Variants in PLCB2 observed in about 807,000 individuals in gnomAD.
The protein encoded by PLCB2 is phospholipase C beta 2.
PLCB2 carries 115 observed loss-of-function variants against 141.7 expected under a neutral mutation model. That is an observed-to-expected ratio of 0.81 (90% CI 0.70 to 0.95). The LOEUF is 0.95. Among genes scored for constraint, PLCB2 ranks in the 40% least tolerant of loss-of-function variants. The pLI, the probability that PLCB2 is intolerant of heterozygous loss-of-function variation, is 0.00. For synonymous variants in PLCB2, 603 were observed against 595.6 expected (o/e 1.01, Z -0.18); for missense variants, 1,403 against 1,541.1 (o/e 0.91, Z 1.50).
At position 40,293,736 on chromosome 15, in the gene PLCB2, G is replaced by A. The variant is rs1386821418; in HGVS notation, c.2062-12C>T. 3 of 1,600,708 alleles carry A rather than the reference G, an allele frequency of 1.9e-6. No homozygotes were observed. The highest frequency in any genetic ancestry group is 2.6e-6 in the Non-Finnish European group (3 of 1,169,578). ...TGCCCAGAGATCACCTGGGGGTAGGGGCCCAGGAAAACCAGCATCAAATCC... is the reference window on the plus strand; with the variant it reads ...TGCCCAGAGATCACCTGGGGGTAGGAGCCCAGGAAAACCAGCATCAAATCC... On this transcript the variant is annotated splice_polypyrimidine_tract_variant and intron_variant, in intron 19 of 31. Coordinates refer to ENST00000260402, the MANE Select transcript of PLCB2 (RefSeq NM_004573.3).
At position 40,288,874 on chromosome 15, in the gene PLCB2, ACCCTTCATCCTGG is replaced by A. The variant is rs1566867587; in HGVS notation, c.3386_3398del (p.Ala1129ValfsTer6). On this transcript the variant is annotated frameshift_variant, in exon 32 of 32. Coordinates refer to ENST00000260402, the MANE Select transcript of PLCB2 (RefSeq NM_004573.3). LOFTEE classifies it low-confidence loss of function (END_TRUNC). ...CCGACTCCTTCACCTCTGCCTCCAGACCCTTCATCCTGGCCTCGTACTCTGCCAGCGCCTCCTT... is the reference window on the plus strand; with the variant it reads ...CCGACTCCTTCACCTCTGCCTCCAGACCTCGTACTCTGCCAGCGCCTCCTT... The A allele has an allele frequency of 6.2e-7, 1 of 1,613,748 alleles. No homozygotes were observed. The highest frequency in any genetic ancestry group is 8.5e-7 in the Non-Finnish European group (1 of 1,179,926).
rs755850762 is a variant in PLCB2 at position 40,295,203 on chromosome 15, C to T, written c.1779G>A (p.Val593=). 9.9e-6 allele frequency: 16 copies of T among 1,613,472 alleles called. No individual in the cohort carries two copies. The highest frequency in any genetic ancestry group is 1.4e-5 in the Non-Finnish European group (16 of 1,179,498). Residue 593 remains valine (V), a splice_region_variant and synonymous_variant, in exon 17 of 32, where the codon GTG becomes GTA. Transcript: ENST00000260402. ...DLLSKASVQF[V]DYNKRQMSRI... Reference sequence around the variant, plus strand: ...GGCCACTGAAACCTCAAGGATACTCCACAAACTGCACCGAGGCCTTGGAGA... The same window carrying T: ...GGCCACTGAAACCTCAAGGATACTCTACAAACTGCACCGAGGCCTTGGAGA...
chr15:40,306,763 T>C (rs72731496), intron 1 of PLCB2, among the ~76,000 whole-genome samples: 6,456 of 152,270 alleles, frequency 0.042, 219 homozygotes, highest in South Asian at 0.13. Context: ...TTTCCCTTCC[T>C]GGGACAAGCC....
rs373857424 is a variant in PLCB2, at chr15:40,297,557, C to A, written c.1287G>T (p.Gly429=). The change falls in exon 13 of 32, where the codon GGG becomes GGT. Residue 429 remains glycine, a synonymous_variant. Transcript: ENST00000260402. This position sits in a 1 kb window ranked among gnomAD's most constrained non-coding sequence, Gnocchi z 4.2. ...KMAEYCRTIF[G]DMLLTEPLEK... ...CCAGGGGCTCTGTGAGCAGCATATC[C>A]CCAAAGATCGTCCGGCAATACTCAG... 2 of 1,614,160 alleles carry A rather than the reference C, an allele frequency of 1.2e-6. No homozygotes were observed. Among genetic ancestry groups the A allele is most frequent in the Admixed American group, 3.3e-5 (2 of 60,018 alleles).
Position 40,291,415 on chromosome 15 carries a change from T to C in PLCB2, c.2720A>G (p.Lys907Arg). 1 of 1,538,030 alleles carries C rather than the reference T, an allele frequency of 6.5e-7. No homozygotes were observed. Among genetic ancestry groups the C allele is most frequent in the South Asian group, 1.2e-5 (1 of 84,298 alleles). Residue 907 changes from lysine (K) to arginine (R), a missense_variant, in exon 26 of 32, where the codon AAG becomes AGG. By Grantham distance (26) the Lys-to-Arg change is conservative. Around this residue, in one of 4 missense-constraint regions of PLCB2, gnomAD observed 290 missense variants for 245.9 expected, o/e 1.18. Transcript: ENST00000260402. ...GCGCCGCTCCAACTCTCGCAGCTCCTTCTCGTGCCGCCGCTGCAGCTTCAC... is the reference window on the plus strand; with the variant it reads ...GCGCCGCTCCAACTCTCGCAGCTCCCTCTCGTGCCGCCGCTGCAGCTTCAC... ...GVVKLQRRHE[K>R]ELRELERRGA... is the part of the protein sequence containing the mutation.
downstream of PLCB2, among the ~76,000 whole-genome samples, chr15:40,287,141 C>T (rs2039624052): frequency 6.6e-6 from 1 of 152,152 alleles, no homozygotes; most frequent in South Asian, 2.1e-4. Context: ...TATAGGTGGT[C>T]TGCCCCAGCG....
intron 7 of PLCB2, 121 bp from the exon 8 acceptor site, chr15:40,299,349 A>G: frequency 3.1e-6 from 2 of 651,790 alleles, no homozygotes; most frequent in South Asian, 3.6e-5. Context: ...AGACAGAAGA[A>G]CTTCAAGGAC....
rs575392067 is a variant in PLCB2, at chr15:40,302,311, C to A, written c.411G>T (p.Pro137=). The A allele has an allele frequency of 6.2e-7, 1 of 1,614,038 alleles. No individual in the cohort carries two copies. The highest frequency in any genetic ancestry group is 8.5e-7 in the Non-Finnish European group (1 of 1,180,038). Residue 137 remains proline (P), a synonymous_variant, in exon 5 of 32, where the codon CCG becomes CCT. Transcript: ENST00000260402. ...TGCTGCGGGAGGCGTTGGCCGTCAG[C>A]GGATGTTTGACTAGGGCCAGTACGT... is the stretch of plus-strand genomic sequence containing the variant. ...AEDVLALVKH[P]LTANASRSTF...
At position 40,294,300 on chromosome 15, in the gene PLCB2, A is replaced by T; in HGVS notation, c.2027T>A (p.Ile676Asn). Residue 676 changes from isoleucine (I) to asparagine (N), a missense_variant, in exon 19 of 32, where the codon ATC becomes AAC. Ile to Asn is a moderately radical substitution (Grantham distance 149). Transcript: ENST00000260402. ...AAGGGTGGTGGCCACCACCACGTCG[A>T]TGCGGTCCACTGAGAAGGGGTTGAA... ...KQFNPFSVDR[I>N]DVVVATTLSI... is the part of the protein sequence containing the mutation. 1 of 1,613,976 alleles carries T rather than the reference A, an allele frequency of 6.2e-7. No individual in the cohort carries two copies. Among genetic ancestry groups the T allele is most frequent in the Non-Finnish European group, 8.5e-7 (1 of 1,180,006 alleles).
chr15:40,289,197 C>T (rs139287703), intron 31 of PLCB2, 75 bp downstream of exon 31: 2 of 1,330,282 alleles, frequency 1.5e-6, no homozygotes, highest in African/African-American at 2.9e-5. Context: ...TCACTGGCAG[C>T]TCCCTGGGGC....
chr15:40,300,342 A>G (rs1454723317), intron 7 of PLCB2, among the ~76,000 whole-genome samples: 1 of 152,170 alleles, frequency 6.6e-6, no homozygotes, highest in Non-Finnish European at 1.5e-5. Context: ...TCCCTACACA[A>G]TGCTCTCACT....
Position 40,291,294 on chromosome 15 carries a change from G to A in PLCB2, c.2841C>T (p.Leu947=). The change falls in exon 26 of 32, where the codon CTC becomes CTT. Residue 947 remains leucine, a synonymous_variant. Coordinates refer to ENST00000260402, the MANE Select transcript of PLCB2 (RefSeq NM_004573.3). Reference sequence around the variant, plus strand: ...TCTTGCGAGAGCCCTTGCCGGGACCGAGCTTGCAGGCCCCGACGCCCCCCA... The same window carrying A: ...TCTTGCGAGAGCCCTTGCCGGGACCAAGCTTGCAGGCCCCGACGCCCCCCA... ...PGVGGVGACK[L]GPGKGSRKKR... 1 of 1,559,278 alleles carries A rather than the reference G, an allele frequency of 6.4e-7. No individual in the cohort carries two copies. The highest frequency in any genetic ancestry group is 8.6e-7 in the Non-Finnish European group (1 of 1,161,314).
rs1039426607 is a variant in PLCB2, at chr15:40,292,841, T to A, written c.2326+85A>T. On this transcript the variant is annotated intron_variant, in intron 21 of 31. Transcript: ENST00000260402. ...TGTGAGGGCTTAGGTAAGGCCTCACTCCAGGCCCCCTCCCAGAAGCTGCCC... is the reference window on the plus strand; with the variant it reads ...TGTGAGGGCTTAGGTAAGGCCTCACACCAGGCCCCCTCCCAGAAGCTGCCC... The A allele has an allele frequency of 6.0e-6, 5 of 827,508 alleles. No individual in the cohort carries two copies. In the African/African-American group the frequency reaches 8.6e-5, roughly 14 times the overall value. The allele number at this position is 827,508 out of a possible 1,614,324, so 51.3% of individuals were successfully genotyped here. A position where few individuals can be genotyped will look rare whatever the true frequency, so the allele number is the denominator to read the frequency against.
chr15:40,295,396 A>G, intron 16 of PLCB2, 111 bp from the exon 17 acceptor site: 1 of 726,426 alleles, frequency 1.4e-6, no homozygotes, highest in South Asian at 1.5e-5. Flanking sequence ...CCTCCACCCC[A>G]GCATTTCCAC....
In PLCB2 at chr15:40,293,848, C is replaced by G. The variant is rs1001373623; in HGVS notation, c.2062-124G>C. 4.4e-6 allele frequency: 4 copies of G among 912,826 alleles called. No homozygotes were observed. The African/African-American group carries it at 6.7e-5, about 15-fold the overall frequency. 56.5% of individuals were successfully genotyped at this position (912,826 alleles called of 1,614,324 possible). ...CTTGGGTGTTATGAAGAACCTCACT[C>G]AGCTCTGGCCATGAGTAGAGAGGCT... On this transcript the variant is annotated intron_variant, in intron 19 of 31. Transcript: ENST00000260402.
Position 40,298,906 on chromosome 15 carries a change from T to C in PLCB2, c.742A>G (p.Lys248Glu), listed in dbSNP as rs375774506. ...GAGTTAAGCCGGGAGTCCCGCTGTT[T>C]CTGGTTGATGAATTTGGTCAGGTGC... is the stretch of plus-strand genomic sequence containing the variant. ...KEHLTKFINQKQRDSRLNSLL... is the reference protein window; with the variant it reads ...KEHLTKFINQEQRDSRLNSLL... Residue 248 changes from lysine to glutamate, a missense_variant, in exon 9 of 32, where the codon AAA becomes GAA. Lys to Glu is a moderately conservative substitution (Grantham distance 56). Transcript: ENST00000260402. 6.2e-6 allele frequency: 10 copies of C among 1,610,470 alleles called. No individual in the cohort carries two copies. Among genetic ancestry groups the C allele is most frequent in the Admixed American group, 3.3e-5 (2 of 60,028 alleles).
In PLCB2 at chr15:40,301,947, A is replaced by T. The variant is rs948742027; in HGVS notation, c.582+10T>A. On this transcript the variant is annotated intron_variant, in intron 7 of 31. Coordinates refer to ENST00000260402, the MANE Select transcript of PLCB2 (RefSeq NM_004573.3). ...TGCTGGGGGATGGGCAGGGGTGCAG[A>T]TCCACTCACTTTGCCTTTGGGGAGG... 3 of 1,612,846 alleles carry T rather than the reference A, an allele frequency of 1.9e-6. No homozygotes were observed. The African/African-American group carries it at 4.0e-5, about 22-fold the overall frequency.
At chr15:40,286,203 C>G (rs1179757291), downstream of PLCB2, 8 of 198,076 alleles carry the variant, frequency 4.0e-5, no homozygotes, top group African/African-American at 1.9e-4. Flanking sequence ...GGAGCCCAGG[C>G]AGGCAGGGGG....
At position 40,292,392 on chromosome 15, in the gene PLCB2, G is replaced by A; in HGVS notation, c.2378C>T (p.Pro793Leu). 1 of 1,613,918 alleles carries A rather than the reference G, an allele frequency of 6.2e-7. No homozygotes were observed. Among genetic ancestry groups the A allele is most frequent in the Non-Finnish European group, 8.5e-7 (1 of 1,179,872 alleles). ...HSESNMPLTM[P>L]ALFIFLEMKD... ...CATCTCCAGGAAGATGAAGAGCGCAGGCATGGTGAGGGGCATGTTGCTCTC... is the reference window on the plus strand; with the variant it reads ...CATCTCCAGGAAGATGAAGAGCGCAAGCATGGTGAGGGGCATGTTGCTCTC... The change falls in exon 22 of 32, where the codon CCT becomes CTT. Residue 793 changes from proline (P) to leucine (L), a missense_variant. Physicochemically the swap from Pro to Leu is moderately conservative, Grantham distance 98. Transcript: ENST00000260402.
Sources: allele counts gnomAD v4.1 joint callset (sites outside exome capture counted in the v4.1 genomes callset), GRCh38; gene constraint gnomAD v4.1.1; regional missense constraint gnomAD v4.1.1; non-coding constraint Gnocchi (gnomAD v3.1); transcripts MANE v1.5; gene names NCBI Gene and HGNC (gene_info 2026-07-23, HGNC 2026-07-21).